Variants in INO80D observed in about 807,000 individuals in gnomAD.
INO80D encodes INO80 complex subunit D.
A neutral mutation model predicts 87.6 loss-of-function variants in INO80D; 21 were observed. The observed-to-expected ratio is 0.24, with a 90% CI of 0.17 to 0.35. The LOEUF (loss-of-function observed/expected upper bound fraction) is 0.35. INO80D is among the 10% of genes least tolerant of loss of function. The pLI, the probability that INO80D is intolerant of heterozygous loss-of-function variation, is 1.00. For missense variants in INO80D, 982 were observed against 1,280.7 expected (o/e 0.77, Z 3.56); for synonymous variants, 440 against 491.0 (o/e 0.90, Z 1.37).
chr2:206,047,608 T>C (rs1053931369), intron 4 of INO80D, among the ~76,000 whole-genome samples: 3 of 151,788 alleles, frequency 2.0e-5, no homozygotes, highest in East Asian at 3.9e-4. Context: ...GCTCGATATA[T>C]GTTAAGGCAA....
intron 1 of INO80D, among the ~76,000 whole-genome samples, chr2:206,079,315 C>T (rs546001045): frequency 1.4e-4 from 22 of 152,246 alleles, no homozygotes; most frequent in Admixed American, 8.5e-4. Context: ...TCAAGTGATC[C>T]GCCCACCTTG....
chr2:206,030,987 C>T (rs752914701), intron 5 of INO80D, among the ~76,000 whole-genome samples: 4 of 152,148 alleles, frequency 2.6e-5, no homozygotes, highest in Non-Finnish European at 5.9e-5. Context: ...TAAAGACAAG[C>T]TTTGTCAGCT....
chr2:206,049,160 G>A (rs1383895776), intron 4 of INO80D, among the ~76,000 whole-genome samples: 1 of 152,148 alleles, frequency 6.6e-6, no homozygotes, highest in East Asian at 1.9e-4. Flanking sequence ...GAGTTTACAT[G>A]TGCCAAATAG....
chr2:206,005,549 C>G lies in INO80D; in HGVS notation c.1919-16G>C. 1 of 1,589,570 alleles carries G rather than the reference C, an allele frequency of 6.3e-7. No individual in the cohort carries two copies. The highest frequency in any genetic ancestry group is 8.6e-7 in the Non-Finnish European group (1 of 1,165,724). On this transcript the variant is annotated splice_polypyrimidine_tract_variant and intron_variant, in intron 10 of 10. Coordinates refer to ENST00000403263, the MANE Select transcript of INO80D (RefSeq NM_017759.5). The stretch of plus-strand genomic sequence containing the variant: ...CCATTCTTCCCTGAGTCAACAAAAG[C>G]CATCGACAATCAGTAGAGCTTTTAC...
At chr2:206,023,539 C>T (rs1029403483) in intron 6 of INO80D, among the ~76,000 whole-genome samples, 11 of 151,884 alleles carry the variant, frequency 7.2e-5, no homozygotes, top group African/African-American at 2.7e-4. Flanking sequence ...AAAAATTAGC[C>T]GGGCATAGTG....
At chr2:206,056,091 G>A in intron 4 of INO80D, 107 bp downstream of exon 4, 1 of 1,116,118 alleles carries the variant, frequency 9.0e-7, no homozygotes, top group South Asian at 1.6e-5. Context: ...GCCTCATTGT[G>A]ATTCCACCCC....
intron 1 of INO80D, among the ~76,000 whole-genome samples, chr2:206,067,793 A>G (rs1399422824): frequency 6.6e-6 from 1 of 152,204 alleles, no homozygotes; most frequent in Non-Finnish European, 1.5e-5. Flanking sequence ...ACATCAAGAA[A>G]AAAGAGCAAT....
chr2:206,027,600 A>G (rs1372816413), intron 6 of INO80D, among the ~76,000 whole-genome samples: 1 of 152,066 alleles, frequency 6.6e-6, no homozygotes, highest in African/African-American at 2.4e-5. Flanking sequence ...GCTACTCAGG[A>G]GGCTGAGGTG....
At chr2:206,041,098 A>T (rs1689036509) in intron 5 of INO80D, among the ~76,000 whole-genome samples, 1 of 152,232 alleles carries the variant, frequency 6.6e-6, no homozygotes, top group East Asian at 1.9e-4. Flanking sequence ...AAAGCATATG[A>T]GTACAGCTAA....
Position 205,999,104 on chromosome 2 carries a change from T to C in INO80D, c.*5264A>G, listed in dbSNP as rs1019215952. 1.3e-5 allele frequency: 2 copies of C among 152,250 alleles called. No homozygotes were observed. Among genetic ancestry groups the C allele is most frequent in the Non-Finnish European group, 2.9e-5 (2 of 68,072 alleles). 9.4% of individuals were successfully genotyped at this position (152,250 alleles called of 1,614,324 possible). A position where few individuals can be genotyped will look rare whatever the true frequency, so the allele number is the denominator to read the frequency against. The stretch of plus-strand genomic sequence containing the variant: ...GGCATTTAGCTGCACTGGAGCCTTC[T>C]GCACTGCGTGTTGAAAATTTTTCCA... On this transcript the variant is annotated 3_prime_UTR_variant, in exon 11 of 11. Coordinates refer to ENST00000403263, the MANE Select transcript of INO80D (RefSeq NM_017759.5).
At chr2:206,029,524 A>C (rs1175933054) in intron 5 of INO80D, among the ~76,000 whole-genome samples, 1 of 152,164 alleles carries the variant, frequency 6.6e-6, no homozygotes, top group South Asian at 2.1e-4. Flanking sequence ...CACACATGAC[A>C]CCATGGACTA....
intron 8 of INO80D, among the ~76,000 whole-genome samples, chr2:206,013,724 G>A (rs1057376931): frequency 4.0e-5 from 6 of 151,492 alleles, no homozygotes; most frequent in South Asian, 2.1e-4. Flanking sequence ...CATTTATTTC[G>A]TGATTTGAAA....
intron 5 of INO80D, among the ~76,000 whole-genome samples, chr2:206,038,569 C>T (rs1575831794): frequency 6.6e-6 from 1 of 152,160 alleles, no homozygotes; most frequent in Non-Finnish European, 1.5e-5. Flanking sequence ...CAGTGGCTCA[C>T]GCTTGTAATC....
intron 8 of INO80D, among the ~76,000 whole-genome samples, chr2:206,012,750 T>G (rs1039769176): frequency 4.6e-5 from 7 of 151,250 alleles, no homozygotes; most frequent in Admixed American, 2.7e-4. Context: ...ACGCCTGCAG[T>G]CCCAGCTACT....
intron 10 of INO80D, among the ~76,000 whole-genome samples, chr2:206,006,952 C>T (rs372187265): frequency 1.6e-4 from 24 of 152,198 alleles, no homozygotes; most frequent in African/African-American, 5.1e-4. Flanking sequence ...GAGGCCGAGG[C>T]GAAAGAATCG....
chr2:206,052,770 C>A (rs950934520), intron 4 of INO80D, among the ~76,000 whole-genome samples: 3 of 146,326 alleles, frequency 2.1e-5, no homozygotes, highest in Non-Finnish European at 4.5e-5. Context: ...CTAGCCTGGG[C>A]AACAGAGCAA....
chr2:206,081,450 C>G (rs1484905073), intron 1 of INO80D, among the ~76,000 whole-genome samples: 1 of 152,106 alleles, frequency 6.6e-6, no homozygotes, highest in Non-Finnish European at 1.5e-5. Context: ...TTAGATGTTA[C>G]TACTAGAAAA....
chr2:206,017,628 T>C, intron 8 of INO80D, 52 bp downstream of exon 8: 1 of 1,427,934 alleles, frequency 7.0e-7, no homozygotes, highest in Non-Finnish European at 9.4e-7. Flanking sequence ...ATAAAATACT[T>C]CCTACAGTGG....
chr2:206,050,862 G>C (rs532309283), intron 4 of INO80D, among the ~76,000 whole-genome samples: 2 of 150,718 alleles, frequency 1.3e-5, no homozygotes, highest in African/African-American at 4.9e-5. Context: ...CCAACTACTC[G>C]GCAGGCTGAA....
Sources: allele counts gnomAD v4.1 joint callset (sites outside exome capture counted in the v4.1 genomes callset), GRCh38; gene constraint gnomAD v4.1.1; transcripts MANE v1.5; gene names NCBI Gene and HGNC (gene_info 2026-07-23, HGNC 2026-07-21).